Variants in SGCZ observed in about 807,000 individuals in gnomAD.
The protein encoded by SGCZ is sarcoglycan zeta, also known as zeta-sarcoglycan.
A neutral mutation model predicts 41.3 loss-of-function variants in SGCZ; 40 were observed. The observed-to-expected ratio is 0.97, with a 90% CI of 0.75 to 1.26. The LOEUF (loss-of-function observed/expected upper bound fraction) is 1.26, where lower values mean the gene tolerates loss of function less well. Ranked by LOEUF, SGCZ falls within the 50% of genes most tolerant of loss-of-function variation. SGCZ has a pLI of 0.00. For missense variants in SGCZ, 552 were observed against 369.8 expected (o/e 1.49, Z -4.04); for synonymous variants, 206 against 137.5 (o/e 1.50, Z -3.49).
intron 2 of SGCZ, among the ~76,000 whole-genome samples, chr8:14,513,669 T>C (rs1348270004): frequency 6.6e-6 from 1 of 152,070 alleles, no homozygotes; most frequent in Non-Finnish European, 1.5e-5. Flanking sequence ...CTGTTAGTGA[T>C]TTAATAGGAA....
intron 1 of SGCZ, among the ~76,000 whole-genome samples, chr8:14,781,179 C>A (rs1444139778): frequency 6.6e-6 from 1 of 152,046 alleles, no homozygotes. Context: ...CAGTTCTACC[C>A]CCAAAGAAAT....
intron 1 of SGCZ, among the ~76,000 whole-genome samples, chr8:14,900,075 A>G (rs1000126582): frequency 2.6e-5 from 4 of 152,126 alleles, no homozygotes; most frequent in African/African-American, 4.8e-5. Flanking sequence ...TTATAAATAT[A>G]ATAAACTCTC....
intron 1 of SGCZ, among the ~76,000 whole-genome samples, chr8:14,789,640 C>T (rs1327058299): frequency 6.6e-6 from 1 of 152,164 alleles, no homozygotes; most frequent in Non-Finnish European, 1.5e-5. Flanking sequence ...CCATCTTCCT[C>T]TCTGACCCAG....
chr8:14,432,035 T>A (rs982825735), intron 2 of SGCZ, among the ~76,000 whole-genome samples: 1 of 152,118 alleles, frequency 6.6e-6, no homozygotes, highest in Admixed American at 6.6e-5. Flanking sequence ...AAATAATAGA[T>A]GCTGGTATGG....
rs984996031 is a variant in SGCZ at position 14,390,126 on chromosome 8, G to T, written c.235-65922C>A. Among the ~76,000 whole-genome samples the T allele has an allele frequency of 1.4e-4, 22 of 151,806 alleles. 1 individual carries two copies. The South Asian group carries it at 1.5e-3, about 10-fold the overall frequency. ...CATTAAATAAAAATTCCATTCCCAG[G>T]ACATCTATTTATTTAGGACATAGAA... On this transcript the variant is annotated intron_variant, in intron 2 of 7. Transcript: ENST00000382080.
intron 2 of SGCZ, among the ~76,000 whole-genome samples, chr8:14,483,645 T>G (rs951979789): frequency 1.3e-5 from 2 of 152,176 alleles, no homozygotes; most frequent in African/African-American, 4.8e-5. Context: ...ATTACGTTGA[T>G]AAAGAAATTC....
intron 5 of SGCZ, among the ~76,000 whole-genome samples, chr8:14,160,000 G>A (rs1369483546): frequency 2.6e-5 from 4 of 152,124 alleles, no homozygotes; most frequent in African/African-American, 9.7e-5. Context: ...CAATTAGAAC[G>A]GAGGCAAAGG....
intron 1 of SGCZ, among the ~76,000 whole-genome samples, chr8:14,633,195 C>A (rs1008421162): frequency 5.9e-5 from 9 of 151,894 alleles, no homozygotes; most frequent in Non-Finnish European, 1.2e-4. Context: ...CTGCATAATT[C>A]ATCTGGCATT....
intron 1 of SGCZ, among the ~76,000 whole-genome samples, chr8:14,964,350 T>C (rs1238338731): frequency 1.3e-5 from 2 of 152,224 alleles, no homozygotes; most frequent in Non-Finnish European, 2.9e-5. Flanking sequence ...TCATGTCTTA[T>C]TTCTCACTGA....
Position 14,649,179 on chromosome 8 carries a change from G to C in SGCZ, c.40-94253C>G, listed in dbSNP as rs566917634. 2.5e-3 allele frequency among the ~76,000 whole-genome samples: 381 copies of C among 152,230 alleles called. 2 individuals carry two copies. Among genetic ancestry groups the C allele is most frequent in the African/African-American group, 8.5e-3 (352 of 41,570 alleles). ...GCTTTCCAAGAACTGAGAAGGAAAA[G>C]CATCATGTCAGACAGGGCTAGGTAC... On this transcript the variant is annotated intron_variant, in intron 1 of 7. Transcript: ENST00000382080.
intron 2 of SGCZ, among the ~76,000 whole-genome samples, chr8:14,362,579 G>A (rs763063895): frequency 2.0e-5 from 3 of 152,172 alleles, no homozygotes; most frequent in African/African-American, 7.2e-5. Flanking sequence ...GAAGTGTACT[G>A]CTCCTCCAGG....
intron 2 of SGCZ, among the ~76,000 whole-genome samples, chr8:14,419,560 T>C (rs999748857): frequency 6.6e-6 from 1 of 151,960 alleles, no homozygotes; most frequent in Admixed American, 6.6e-5. Context: ...AAAAACAATA[T>C]TCGTAAACAT....
chr8:15,035,801 T>C (rs1305734702), intron 1 of SGCZ, among the ~76,000 whole-genome samples: 1 of 152,102 alleles, frequency 6.6e-6, no homozygotes, highest in Non-Finnish European at 1.5e-5. Context: ...TATTAATATA[T>C]ATGCACTTAA....
chr8:15,051,191 C>A (rs917412193), intron 1 of SGCZ, among the ~76,000 whole-genome samples: 2 of 152,020 alleles, frequency 1.3e-5, no homozygotes, highest in Non-Finnish European at 2.9e-5. Context: ...GAATGATTCA[C>A]CATCTAAGTC....
intron 4 of SGCZ, among the ~76,000 whole-genome samples, chr8:14,227,241 A>G (rs7834539): frequency 0.6 from 90,456 of 151,594 alleles, 27,293 homozygotes; most frequent in East Asian, 0.76. Flanking sequence ...TATGGCAAAA[A>G]AAATGTAAGA....
intron 1 of SGCZ, among the ~76,000 whole-genome samples, chr8:15,032,446 T>C (rs1442635906): frequency 6.6e-6 from 1 of 152,144 alleles, no homozygotes; most frequent in Non-Finnish European, 1.5e-5. Flanking sequence ...CACTTTGCCT[T>C]GGACCCAACA....
rs186361901 is a variant in SGCZ, at chr8:14,953,025, A to T, written c.39+284560T>A. Reference sequence around the variant, plus strand: ...GTTGGCCATCTAACTTCTTGAAGATAAGGTGAATAAGCATAGGCATACACA... The same window carrying T: ...GTTGGCCATCTAACTTCTTGAAGATTAGGTGAATAAGCATAGGCATACACA... On this transcript the variant is annotated intron_variant, in intron 1 of 7. Coordinates refer to ENST00000382080, the MANE Select transcript of SGCZ (RefSeq NM_139167.4). Among the ~76,000 whole-genome samples the T allele has an allele frequency of 2.2e-4, 33 of 152,230 alleles. 1 individual carries two copies. In the East Asian group the frequency reaches 6.4e-3, roughly 29 times the overall value.
chr8:14,492,527 T>C (rs1801869968), intron 2 of SGCZ, among the ~76,000 whole-genome samples: 1 of 152,190 alleles, frequency 6.6e-6, no homozygotes, highest in African/African-American at 2.4e-5. Flanking sequence ...TAAGGCCCAA[T>C]TATTTACTCC....
At chr8:14,425,513 C>A (rs574506593) in intron 2 of SGCZ, among the ~76,000 whole-genome samples, 72 of 151,884 alleles carry the variant, frequency 4.7e-4, no homozygotes, top group African/African-American at 1.7e-3. Context: ...CCCAGATACT[C>A]GGGAGGCTGA....
Sources: gnomAD v4.1 joint callset for allele counts (sites outside exome capture counted in the v4.1 genomes callset) on GRCh38, gnomAD v4.1.1 for gene constraint, MANE v1.5 for transcripts, NCBI Gene and HGNC (gene_info 2026-07-23, HGNC 2026-07-21) for gene names.